The following PCDHGB2 variants were observed in gnomAD, a reference collection of about 807,000 sequenced individuals.
PCDHGB2 encodes protocadherin gamma-B2.
A neutral mutation model predicts 59.3 loss-of-function variants in PCDHGB2; 55 were observed. The observed-to-expected ratio is 0.93, with a 90% CI of 0.75 to 1.16. The LOEUF (loss-of-function observed/expected upper bound fraction) is 1.16. Ranked by LOEUF, PCDHGB2 falls within the 50% of genes most tolerant of loss-of-function variation. The probability of loss-of-function intolerance (pLI) is 0.00; values close to 1 mark genes in which losing one functional copy is unlikely to be tolerated. For missense variants in PCDHGB2, 1,228 were observed against 1,198.5 expected (o/e 1.02, Z -0.36); for synonymous variants, 516 against 512.0 (o/e 1.01, Z -0.11).
At chr5:141,427,770 C>T (rs775095791) in intron 1 of PCDHGB2, 2 of 1,399,194 alleles carry the variant, frequency 1.4e-6, no homozygotes, top group Non-Finnish European at 2.0e-6. Context: ...TGACTTGGAG[C>T]TGCGGGCACT....
intron 1 of PCDHGB2, chr5:141,364,702 C>G (rs1763490824): frequency 1.2e-6 from 2 of 1,613,922 alleles, no homozygotes; most frequent in East Asian, 2.2e-5. Flanking sequence ...TAGAAATAAT[C>G]GATATTAATG....
In PCDHGB2 at chr5:141,486,836, G is replaced by C; in HGVS notation, c.2422-7971G>C. On this transcript the variant is annotated intron_variant, in intron 1 of 3. Coordinates refer to ENST00000522605, the MANE Select transcript of PCDHGB2 (RefSeq NM_018923.3). This position sits in a 1 kb window ranked among gnomAD's most constrained non-coding sequence, Gnocchi z 5.0. ...CAGCACTGTAACAGTTCGTCTATTT[G>C]TGCTGGACCTCAATGACAATGCTCC... 1 of 1,614,242 alleles carries C rather than the reference G, an allele frequency of 6.2e-7. No individual in the cohort carries two copies. The highest frequency in any genetic ancestry group is 8.5e-7 in the Non-Finnish European group (1 of 1,180,046).
chr5:141,389,644 C>T (rs2091854728), intron 1 of PCDHGB2: 1 of 1,612,926 alleles, frequency 6.2e-7, no homozygotes, highest in Admixed American at 1.7e-5. Context: ...TACTTGGTGA[C>T]CAAGGTAGTG....
chr5:141,510,656 A>C (rs761093897), intron 3 of PCDHGB2, among the ~76,000 whole-genome samples: 4 of 152,304 alleles, frequency 2.6e-5, no homozygotes, highest in Non-Finnish European at 5.9e-5. Flanking sequence ...CCCATTTTGC[A>C]GATGAGAAAA....
intron 1 of PCDHGB2, chr5:141,382,749 G>A: frequency 1.6e-6 from 1 of 612,214 alleles, no homozygotes; most frequent in Non-Finnish European, 2.8e-6. Flanking sequence ...GACAGATTGC[G>A]ATAAGCCCTC....
At chr5:141,378,584 A>T (rs1775030344) in intron 1 of PCDHGB2, 1 of 152,240 alleles carries the variant, frequency 6.6e-6, no homozygotes, top group Admixed American at 6.5e-5. Flanking sequence ...CATGCTCGGT[A>T]GTGTCTGCTT....
chr5:141,495,810 C>T (rs1003475681), intron 2 of PCDHGB2, among the ~76,000 whole-genome samples: 1 of 152,088 alleles, frequency 6.6e-6, no homozygotes, highest in Non-Finnish European at 1.5e-5. Context: ...CGTTTCCTAG[C>T]GCCTTGTGTT....
At chr5:141,371,243 T>C in intron 1 of PCDHGB2, 1 of 1,614,002 alleles carries the variant, frequency 6.2e-7, no homozygotes. Flanking sequence ...CCTTCATCAA[T>C]ATTGGCAAGG....
At position 141,485,149 on chromosome 5, in the gene PCDHGB2, A is replaced by G; in HGVS notation, c.2422-9658A>G. 6.3e-7 allele frequency: 1 copy of G among 1,578,106 alleles called. No individual in the cohort carries two copies. Among genetic ancestry groups the G allele is most frequent in the South Asian group, 1.1e-5 (1 of 89,070 alleles). ...CGGCTTCATCCGCGTCTCAGGAGCA[A>G]GTAGAGAATTAGCGGGCGGCAGCAA... On this transcript the variant is annotated intron_variant, in intron 1 of 3. Transcript: ENST00000522605. This position sits in a 1 kb window ranked among gnomAD's most constrained non-coding sequence, Gnocchi z 5.7.
Position 141,404,625 on chromosome 5 carries a change from A to G in PCDHGB2, c.2421+42069A>G, listed in dbSNP as rs375300806. The G allele has an allele frequency of 9.0e-5, 146 of 1,614,036 alleles. No homozygotes were observed. The highest frequency in any genetic ancestry group is 5.1e-4 in the South Asian group (46 of 91,078). On this transcript the variant is annotated intron_variant, in intron 1 of 3. Transcript: ENST00000522605. ...CTGTTTGTTTTGGACCAGAATGACA[A>G]TGCCCCAGAAATCCTGTACCCTGCC...
In PCDHGB2 at chr5:141,472,994, A is replaced by G. The variant is rs188075835; in HGVS notation, c.2422-21813A>G. Among the ~76,000 whole-genome samples, 1,141 of 151,802 alleles carry G rather than the reference A, an allele frequency of 7.5e-3. 5 individuals carry two copies. The highest frequency in any genetic ancestry group is 0.017 in the Middle Eastern group (5 of 294). ...AGAGTGAAACTCAAAAAAAAAAAAA[A>G]AAAGAAAGAAAAAGAAAAAGAAAGA... On this transcript the variant is annotated intron_variant, in intron 1 of 3. Transcript: ENST00000522605.
intron 1 of PCDHGB2, among the ~76,000 whole-genome samples, chr5:141,472,889 G>A (rs1163806093): frequency 6.6e-6 from 1 of 151,392 alleles, no homozygotes; most frequent in Non-Finnish European, 1.5e-5. Context: ...GGGAGGCTGA[G>A]GCAGGAGAAT....
chr5:141,392,929 C>G, intron 1 of PCDHGB2: 2 of 1,613,888 alleles, frequency 1.2e-6, no homozygotes, highest in Non-Finnish European at 1.7e-6. Context: ...CCAGAAGAGA[C>G]GGACAAAGGC....
At chr5:141,404,782 G>A in intron 1 of PCDHGB2, 1 of 1,613,964 alleles carries the variant, frequency 6.2e-7, no homozygotes. Context: ...GCCTATTCAA[G>A]GCCAGTGAGC....
At chr5:141,422,032 G>A in intron 1 of PCDHGB2, 1 of 1,611,280 alleles carries the variant, frequency 6.2e-7, no homozygotes, top group Non-Finnish European at 8.5e-7. Context: ...TAATGCAACG[G>A]ATCCAGACGA....
rs2154584583 is a variant in PCDHGB2, at chr5:141,490,717, A to G, written c.2422-4090A>G. The G allele has an allele frequency of 6.2e-7, 1 of 1,613,972 alleles. No individual in the cohort carries two copies. Among genetic ancestry groups the G allele is most frequent in the Non-Finnish European group, 8.5e-7 (1 of 1,179,936 alleles). On this transcript the variant is annotated intron_variant, in intron 1 of 3. Coordinates refer to ENST00000522605, the MANE Select transcript of PCDHGB2 (RefSeq NM_018923.3). The surrounding 1 kb of genome is among the most constrained non-coding windows in gnomAD (Gnocchi z 5.4). ...GGATAATGCCCGCCTCACCTACTCC[A>G]TTGTAGGAAATCAGGTTCAGGGAGC...
At chr5:141,415,772 T>TTTTTTTTG in intron 1 of PCDHGB2, 1 of 1,332,986 alleles carries the variant, frequency 7.5e-7, no homozygotes. Context: ...TTTTTTTTTT[T>TTTTTTTTG]ACTTTCTGGT....
intron 1 of PCDHGB2, chr5:141,404,104 T>C (rs2094485215): frequency 1.2e-6 from 2 of 1,613,640 alleles, no homozygotes; most frequent in East Asian, 2.2e-5. Flanking sequence ...AAGTTGTCTG[T>C]TCTATCCAGG....
intron 1 of PCDHGB2, chr5:141,400,228 C>T: frequency 1.2e-6 from 2 of 1,614,030 alleles, no homozygotes; most frequent in African/African-American, 2.7e-5. Flanking sequence ...GCTCTTCCTC[C>T]TGGCCGTGAT....
Sources: allele counts gnomAD v4.1 joint callset (sites outside exome capture counted in the v4.1 genomes callset), GRCh38; gene constraint gnomAD v4.1.1; non-coding constraint Gnocchi (gnomAD v3.1); transcripts MANE v1.5; gene names NCBI Gene and HGNC (gene_info 2026-07-23, HGNC 2026-07-21).